Variants in INSL6 observed in about 807,000 individuals in gnomAD.
INSL6 encodes insulin-like peptide INSL6.
Under a neutral mutation model 9.4 loss-of-function variants are expected in INSL6, and 16 were observed. The ratio of observed to expected loss-of-function variants is 1.70; its 90% CI spans 1.15 to 2.59. The LOEUF (loss-of-function observed/expected upper bound fraction) is 2.59. Ranked by LOEUF, INSL6 falls within the 30% of genes most tolerant of loss-of-function variation. The pLI, the probability that INSL6 is intolerant of heterozygous loss-of-function variation, is 0.00. For synonymous variants in INSL6, 154 were observed against 96.9 expected (o/e 1.59, Z -3.46); for missense variants, 391 against 257.3 (o/e 1.52, Z -3.56).
the INSL6 span, among the ~76,000 whole-genome samples, chr9:5,011,413 C>T: frequency 6.6e-6 from 1 of 152,036 alleles, no homozygotes; most frequent in African/African-American, 2.4e-5. Flanking sequence ...TAGTCTTGAA[C>T]TCCTGGACTC....
At chr9:5,063,760 T>C in the INSL6 span, among the ~76,000 whole-genome samples, 1 of 152,234 alleles carries the variant, frequency 6.6e-6, no homozygotes, top group Non-Finnish European at 1.5e-5. Context: ...GCTTTTTTCA[T>C]TATATAACTG....
At chr9:5,012,315 CG>C in the INSL6 span, among the ~76,000 whole-genome samples, 2 of 152,110 alleles carry the variant, frequency 1.3e-5, no homozygotes, top group East Asian at 3.8e-4. Flanking sequence ...CATATCCCCC[CG>C]ATTTGTATCT....
At chr9:5,128,583 G>C (rs562016497) in intron 3 of INSL6, among the ~76,000 whole-genome samples, 18 of 151,940 alleles carry the variant, frequency 1.2e-4, no homozygotes, top group African/African-American at 3.9e-4. Flanking sequence ...TTTAAAACAA[G>C]ATGTGAACTA....
chr9:5,115,872 A>C, the INSL6 span, among the ~76,000 whole-genome samples: 3 of 152,068 alleles, frequency 2.0e-5, no homozygotes, highest in African/African-American at 7.3e-5. Flanking sequence ...ACATATGGAC[A>C]CAGGGAGGGG....
the INSL6 span, among the ~76,000 whole-genome samples, chr9:5,022,960 T>A: frequency 6.6e-6 from 1 of 152,244 alleles, no homozygotes. Context: ...TATTCTCTTA[T>A]TTAAGATCAG....
chr9:5,109,278 A>G, the INSL6 span: 2 of 152,196 alleles, frequency 1.3e-5, no homozygotes, highest in Admixed American at 6.5e-5. Flanking sequence ...TAAAATTATT[A>G]TGGGCTTTAC....
chr9:5,010,133 G>A, the INSL6 span, among the ~76,000 whole-genome samples: 2 of 152,056 alleles, frequency 1.3e-5, no homozygotes, highest in African/African-American at 4.8e-5. Flanking sequence ...ATCTACTTTT[G>A]ATCTTCCTGG....
the INSL6 span, chr9:5,050,857 A>C: frequency 2.5e-6 from 4 of 1,586,664 alleles, no homozygotes; most frequent in Admixed American, 3.4e-5. Flanking sequence ...AAATCCTTAC[A>C]CATAAGTGTG....
the INSL6 span, chr9:5,110,893 G>T: frequency 5.6e-6 from 3 of 538,806 alleles, no homozygotes; most frequent in Non-Finnish European, 1.1e-5. Flanking sequence ...TGTCTGAGAT[G>T]CCCGCTCTGG....
the INSL6 span, chr9:5,085,825 A>G: frequency 1.3e-6 from 1 of 760,476 alleles, no homozygotes; most frequent in African/African-American, 1.7e-5. Context: ...ATTGATCGAA[A>G]GGCTTTTCCT....
chr9:5,031,851 T>TGATC, the INSL6 span, among the ~76,000 whole-genome samples: 3 of 152,188 alleles, frequency 2.0e-5, no homozygotes, highest in Non-Finnish European at 4.4e-5. Flanking sequence ...GACGGGTGAT[T>TGATC]TCTGCATTTC....
Position 5,139,507 on chromosome 9 carries a change from G to C in INSL6, c.377-5915C>G, listed in dbSNP as rs185558733. ...GAGTATTGGGTGAAAATAAAAAGAA[G>C]TGTTATTTAAATTAGACACTCTCAA... On this transcript the variant is annotated intron_variant, in intron 2 of 3. Coordinates refer to the INSL6 transcript ENST00000649639. 4.6e-5 allele frequency among the ~76,000 whole-genome samples: 7 copies of C among 152,266 alleles called. 1 individual carries two copies. In the East Asian group the frequency reaches 1.4e-3, roughly 29 times the overall value.
At chr9:5,153,617 C>T (rs1291633274) in intron 2 of INSL6, among the ~76,000 whole-genome samples, 60 of 152,324 alleles carry the variant, frequency 3.9e-4, no homozygotes, top group Non-Finnish European at 1.5e-5. Flanking sequence ...CTGTAAGCAA[C>T]TTCAGCAAAG....
the INSL6 span, among the ~76,000 whole-genome samples, chr9:5,068,174 CA>C: frequency 0.4 from 53,829 of 136,094 alleles, 12,443 homozygotes; most frequent in African/African-American, 0.69. Context: ...AAAACAACAA[CA>C]AAAAAAAAAA....
chr9:5,030,435 G>A, the INSL6 span, among the ~76,000 whole-genome samples: 5 of 151,970 alleles, frequency 3.3e-5, no homozygotes, highest in African/African-American at 4.8e-5. Context: ...ACAAAGATAC[G>A]TTTGATTTGT....
chr9:5,143,270 C>T (rs1824538668), intron 2 of INSL6, among the ~76,000 whole-genome samples: 2 of 151,444 alleles, frequency 1.3e-5, no homozygotes, highest in Admixed American at 6.6e-5. Context: ...AGGAATGGTA[C>T]CAGCTCTTCT....
At chr9:5,026,592 A>T in the INSL6 span, among the ~76,000 whole-genome samples, 30 of 152,326 alleles carry the variant, frequency 2.0e-4, no homozygotes, top group African/African-American at 6.0e-4. Context: ...GATTAAAAAA[A>T]TTTTACATAT....
At chr9:5,094,078 T>C in the INSL6 span, 11 of 151,998 alleles carry the variant, frequency 7.2e-5, no homozygotes, top group Admixed American at 6.6e-4. Context: ...CAATCAAAGG[T>C]TCAACTCCCC....
At chr9:5,034,842 C>G in the INSL6 span, among the ~76,000 whole-genome samples, 3 of 152,072 alleles carry the variant, frequency 2.0e-5, no homozygotes, top group South Asian at 6.2e-4. Context: ...AAACCAAGAG[C>G]AAACACATTC....
Sources: allele counts gnomAD v4.1 joint callset (sites outside exome capture counted in the v4.1 genomes callset), GRCh38; gene constraint gnomAD v4.1.1; transcripts MANE v1.5; gene names NCBI Gene and HGNC (gene_info 2026-07-23, HGNC 2026-07-21).